The following STS variants were observed in gnomAD, a reference collection of about 807,000 sequenced individuals.
STS encodes steryl-sulfatase.
Under a neutral mutation model 26.8 loss-of-function variants are expected in STS, and 7 were observed. The ratio of observed to expected loss-of-function variants is 0.26; its 90% CI spans 0.15 to 0.49. The LOEUF is 0.49. Ranked by LOEUF, STS falls within the 20% of genes least tolerant of loss-of-function variation. The pLI is 0.98. For missense variants in STS, 434 were observed against 465.6 expected (o/e 0.93, Z 0.63); for synonymous variants, 199 against 189.4 (o/e 1.05, Z -0.42).
At chrX:7,248,284 G>T (rs1922982370) in intron 2 of STS, among the ~76,000 whole-genome samples, 1 of 111,982 alleles carries the variant, frequency 8.9e-6, no homozygotes, top group Non-Finnish European at 1.9e-5. Context: ...TCATTGGTTT[G>T]TCTGTTGGCT....
At chrX:7,344,350 G>A (rs1178091529) in intron 10 of STS, among the ~76,000 whole-genome samples, 1 of 111,614 alleles carries the variant, frequency 9.0e-6, no homozygotes, top group Non-Finnish European at 1.9e-5. Context: ...CCAGGTATCA[G>A]TAGCAAGTCT....
intron 8 of STS, among the ~76,000 whole-genome samples, chrX:7,322,091 G>A (rs1474825700): frequency 8.9e-6 from 1 of 112,683 alleles, no homozygotes; most frequent in Non-Finnish European, 1.9e-5. Context: ...CGTGCGTGGA[G>A]CCTTACAAAA....
intron 2 of STS, among the ~76,000 whole-genome samples, chrX:7,193,765 G>T (rs967009854): frequency 3.6e-5 from 4 of 111,249 alleles, no homozygotes; most frequent in Admixed American, 9.6e-5. Flanking sequence ...AGAATTCAGG[G>T]TTCTTACATA....
At chrX:7,169,882 A>G (rs1933429869) in intron 1 of STS, among the ~76,000 whole-genome samples, 1 of 57,506 alleles carries the variant, frequency 1.7e-5, no homozygotes, top group African/African-American at 7.5e-5. Flanking sequence ...CATGGGTGGC[A>G]TGTTTGTTGG....
intron 2 of STS, among the ~76,000 whole-genome samples, chrX:7,195,209 T>A (rs777441550): frequency 3.8e-4 from 42 of 111,955 alleles, no homozygotes; most frequent in Non-Finnish European, 7.3e-4. Flanking sequence ...TGTCAAGAAG[T>A]GCATTTAGAA....
intron 6 of STS, among the ~76,000 whole-genome samples, chrX:7,269,536 G>C (rs187744954): frequency 9.1e-6 from 1 of 109,934 alleles, no homozygotes; most frequent in East Asian, 2.9e-4. Flanking sequence ...ACTGAGTGGG[G>C]CATTTAAGAC....
chrX:7,217,958 G>A lies in STS; in HGVS notation c.-5+26950G>A, dbSNP rs777401904. ...ATTATAACACAAATTAAAACATTTT[G>A]TGAGCCCCTAAAAAGGCCTTAGAGT... On this transcript the variant is annotated intron_variant, in intron 2 of 10. Transcript: ENST00000674429. Among the ~76,000 whole-genome samples, 60 of 111,600 alleles carry A rather than the reference G, an allele frequency of 5.4e-4. 1 individual carries two copies. The Admixed American group carries it at 5.7e-3, about 11-fold the overall frequency.
At chrX:7,323,456 A>G (rs1294319203) in intron 8 of STS, among the ~76,000 whole-genome samples, 2 of 111,272 alleles carry the variant, frequency 1.8e-5, no homozygotes, top group Non-Finnish European at 3.8e-5. Context: ...GCTCCCACTT[A>G]TAAGTAAGAA....
chrX:7,294,085 G>A (rs923881840), intron 7 of STS, among the ~76,000 whole-genome samples: 26 of 111,547 alleles, frequency 2.3e-4, no homozygotes, highest in Non-Finnish European at 3.6e-4. Flanking sequence ...ATTGTATAGA[G>A]TATTGATTTT....
chrX:7,207,308 C>A (rs1218734084), intron 2 of STS, among the ~76,000 whole-genome samples: 1 of 112,369 alleles, frequency 8.9e-6, no homozygotes, highest in African/African-American at 3.2e-5. Flanking sequence ...ACAACTAGCA[C>A]CCTGTCCTCA....
At chrX:7,324,888 G>C (rs1355057914) in intron 8 of STS, among the ~76,000 whole-genome samples, 1 of 111,742 alleles carries the variant, frequency 8.9e-6, no homozygotes, top group East Asian at 2.8e-4. Context: ...TTAGTCACAT[G>C]TTTAAAGTCC....
At chrX:7,149,096 C>G (rs1050102132) in intron 1 of STS, among the ~76,000 whole-genome samples, 1 of 111,380 alleles carries the variant, frequency 9.0e-6, no homozygotes, top group Non-Finnish European at 1.9e-5. Context: ...ACTTTAAAAA[C>G]GTGAGGGTGT....
rs187349661 is a variant in STS, at chrX:7,280,847, G to A, written c.943+4760G>A. On this transcript the variant is annotated intron_variant, in intron 7 of 10. Transcript: ENST00000674429. ...TGTACTATTACAAAGAAAAATTCAA[G>A]TGGAGAACAAGAAGGTGAATGCTAA... is the stretch of plus-strand genomic sequence containing the variant. Among the ~76,000 whole-genome samples, 4 of 112,814 alleles carry A rather than the reference G, an allele frequency of 3.5e-5. No individual in the cohort carries two copies. In the East Asian group the frequency reaches 1.1e-3, roughly 32 times the overall value.
intron 7 of STS, among the ~76,000 whole-genome samples, chrX:7,300,828 T>C (rs868541408): frequency 1.8e-5 from 2 of 111,392 alleles, no homozygotes; most frequent in Non-Finnish European, 1.9e-5. Flanking sequence ...ATTTGAAATA[T>C]TGGAATTTGG....
At chrX:7,152,019 C>T (rs1452151442) in intron 1 of STS, among the ~76,000 whole-genome samples, 1 of 111,370 alleles carries the variant, frequency 9.0e-6, no homozygotes, top group African/African-American at 3.3e-5. Context: ...GTGGCACGAT[C>T]TTGGCTCACT....
rs773894653 is a variant in STS at position 7,325,336 on chromosome X, T to C, written c.1082-3T>C. On this transcript the variant is annotated splice_region_variant and splice_polypyrimidine_tract_variant and intron_variant, in intron 8 of 10. Coordinates refer to ENST00000674429, the MANE Select transcript of STS (RefSeq NM_001320752.2). ...GCCTCTTACCTCTTTTTTGATCTTT[T>C]AGGAGGAAAAGCAAACAACTGGGAA... The C allele has an allele frequency of 2.3e-5, 28 of 1,209,487 alleles. No homozygotes were observed. Among genetic ancestry groups the C allele is most frequent in the African/African-American group, 2.1e-4 (12 of 57,088 alleles).
chrX:7,270,828 C>G (rs938067581), intron 6 of STS, among the ~76,000 whole-genome samples: 45 of 112,109 alleles, frequency 4.0e-4, no homozygotes, highest in African/African-American at 1.4e-3. Context: ...GTCTTTGACT[C>G]AACTGTTCTT....
At chrX:7,214,981 C>CGTATATATACATATATACGTAT (rs1569191514) in intron 2 of STS, among the ~76,000 whole-genome samples, 1 of 37,702 alleles carries the variant, frequency 2.7e-5, no homozygotes, top group East Asian at 8.8e-4. Flanking sequence ...TGTATATATA[C>CGTATATATACATATATACGTAT]ATATATATAC....
chrX:7,153,212 G>A (rs1299813592), intron 1 of STS, among the ~76,000 whole-genome samples: 1 of 110,712 alleles, frequency 9.0e-6, no homozygotes, highest in Non-Finnish European at 1.9e-5. Flanking sequence ...CTCCTTGCTT[G>A]CCCCTCTCTC....
Sources: gnomAD v4.1 joint callset for allele counts (sites outside exome capture counted in the v4.1 genomes callset) on GRCh38, gnomAD v4.1.1 for gene constraint, MANE v1.5 for transcripts, NCBI Gene and HGNC (gene_info 2026-07-23, HGNC 2026-07-21) for gene names.